The following SIPA1L1 variants were observed in gnomAD, a reference collection of about 807,000 sequenced individuals.
SIPA1L1 encodes the protein signal induced proliferation associated 1 like 1.
SIPA1L1 carries 26 observed loss-of-function variants against 162.7 expected under a neutral mutation model. That is an observed-to-expected ratio of 0.16 (90% confidence interval 0.12 to 0.22). The LOEUF is 0.22. SIPA1L1 is among the 10% of genes least tolerant of loss of function. The pLI is 1.00. For missense variants in SIPA1L1, 1,874 were observed against 2,241.0 expected, an observed-to-expected ratio of 0.84 and a Z score of 3.31; for synonymous variants, 829 against 837.4, an observed-to-expected ratio of 0.99 and a Z score of 0.17.
chr14:71,398,876 A>T (rs1192691334), intron 2 of SIPA1L1, among the ~76,000 whole-genome samples: 1 of 152,250 alleles, frequency 6.6e-6, no homozygotes, highest in South Asian at 2.1e-4. Flanking sequence ...CAAGATCATC[A>T]TGATCTTTGG....
rs910301034 is a variant in SIPA1L1, at chr14:71,671,587, T to G, written c.2724T>G (p.Thr908=). 6.2e-7 allele frequency: 1 copy of G among 1,614,174 alleles called. No homozygotes were observed. The highest frequency in any genetic ancestry group is 1.3e-5 in the African/African-American group (1 of 75,054). Residue 908 remains threonine (T), a synonymous_variant, in exon 11 of 24, where the codon ACT becomes ACG. Coordinates refer to ENST00000381232, the MANE Select transcript of SIPA1L1 (RefSeq NM_001386936.1). ...NCSCRDVIGW[T]STDTSLKIFY... ...CCTGTAGAGATGTGATAGGGTGGAC[T>G]TCAACTGACACCAGCCTCAAAATCT...
intron 4 of SIPA1L1, among the ~76,000 whole-genome samples, chr14:71,578,850 G>A (rs1409754220): frequency 6.6e-6 from 1 of 152,174 alleles, no homozygotes; most frequent in African/African-American, 2.4e-5. Flanking sequence ...CACTTCATAT[G>A]GGTCCCATGG....
At chr14:71,636,978 G>C (rs1286851032) in intron 7 of SIPA1L1, among the ~76,000 whole-genome samples, 1 of 151,272 alleles carries the variant, frequency 6.6e-6, no homozygotes, top group Non-Finnish European at 1.5e-5. Context: ...TTGAACCCGG[G>C]AGGCAGGGGT....
At chr14:71,358,088 T>C in intron 2 of SIPA1L1, among the ~76,000 whole-genome samples, 1 of 152,116 alleles carries the variant, frequency 6.6e-6, no homozygotes, top group East Asian at 1.9e-4. Flanking sequence ...CTTGAACTAC[T>C]GAACTCAAAA....
intron 2 of SIPA1L1, among the ~76,000 whole-genome samples, chr14:71,496,582 G>A (rs150521301): frequency 6.6e-6 from 1 of 152,268 alleles, no homozygotes; most frequent in African/African-American, 2.4e-5. Flanking sequence ...GTTGTTGGAT[G>A]AAGTTTTCTA....
intron 4 of SIPA1L1, among the ~76,000 whole-genome samples, chr14:71,544,133 GTA>G (rs1005384398): frequency 6.6e-6 from 1 of 150,512 alleles, no homozygotes; most frequent in African/African-American, 2.5e-5. Flanking sequence ...GCACGTGTAT[GTA>G]TATACATATA....
chr14:71,387,920 A>G (rs2040464060), intron 2 of SIPA1L1, among the ~76,000 whole-genome samples: 1 of 152,240 alleles, frequency 6.6e-6, no homozygotes, highest in Non-Finnish European at 1.5e-5. Flanking sequence ...TATGCTAAAG[A>G]TGAATCCAAG....
intron 4 of SIPA1L1, among the ~76,000 whole-genome samples, chr14:71,576,202 G>A (rs1257888775): frequency 1.3e-5 from 2 of 152,196 alleles, no homozygotes; most frequent in Non-Finnish European, 2.9e-5. Flanking sequence ...TCAGTAAGTA[G>A]CAGAAAGGGA....
chr14:71,466,810 A>G (rs1035061662), intron 2 of SIPA1L1, among the ~76,000 whole-genome samples: 2 of 152,118 alleles, frequency 1.3e-5, no homozygotes, highest in African/African-American at 4.8e-5. Context: ...TTAATAAACT[A>G]TTTTTTATTG....
intron 2 of SIPA1L1, among the ~76,000 whole-genome samples, chr14:71,467,881 T>G (rs748906356): frequency 1.3e-5 from 2 of 149,120 alleles, no homozygotes; most frequent in Admixed American, 6.7e-5. Flanking sequence ...AAAGAAAAAG[T>G]ATTGGCTTCT....
chr14:71,482,428 ATGGG>A (rs1292082978), intron 2 of SIPA1L1, among the ~76,000 whole-genome samples: 1 of 152,206 alleles, frequency 6.6e-6, no homozygotes, highest in Non-Finnish European at 1.5e-5. Context: ...CAAGGAAAGA[ATGGG>A]AACAGTCCAG....
chr14:71,616,329 G>A (rs562916101), intron 5 of SIPA1L1, among the ~76,000 whole-genome samples: 1 of 152,320 alleles, frequency 6.6e-6, no homozygotes, highest in Admixed American at 6.5e-5. Flanking sequence ...AAAGTCATTG[G>A]TGACCCATGC....
At chr14:71,632,296 T>A (rs1490948021) in intron 7 of SIPA1L1, among the ~76,000 whole-genome samples, 1 of 152,232 alleles carries the variant, frequency 6.6e-6, no homozygotes, top group Non-Finnish European at 1.5e-5. Context: ...ATCCCAGTCT[T>A]GGGCTGAAGA....
chr14:71,629,560 C>T (rs2040369613), intron 7 of SIPA1L1, among the ~76,000 whole-genome samples: 1 of 152,038 alleles, frequency 6.6e-6, no homozygotes, highest in African/African-American at 2.4e-5. Flanking sequence ...TATGTTAAAC[C>T]CAAATAAAAT....
At chr14:71,516,907 A>G (rs1216951636) in intron 3 of SIPA1L1, among the ~76,000 whole-genome samples, 1 of 152,182 alleles carries the variant, frequency 6.6e-6, no homozygotes, top group Admixed American at 6.5e-5. Flanking sequence ...TGGGAGGTGG[A>G]GATTGCAGTG....
At chr14:71,330,881 T>G (rs1237143316) in intron 2 of SIPA1L1, 15 of 564,722 alleles carry the variant, frequency 2.7e-5, no homozygotes, top group Admixed American at 1.3e-4. Flanking sequence ...GCTTTTTTGC[T>G]CTGCTGATTG....
chr14:71,438,704 T>A (rs2044604195), intron 2 of SIPA1L1, among the ~76,000 whole-genome samples: 1 of 126,320 alleles, frequency 7.9e-6, no homozygotes, highest in Non-Finnish European at 1.6e-5. Context: ...CACATCAGGT[T>A]GAAGGGGAAG....
chr14:71,648,055 C>T (rs1393207909), intron 7 of SIPA1L1, among the ~76,000 whole-genome samples: 11 of 151,914 alleles, frequency 7.2e-5, no homozygotes, highest in African/African-American at 2.2e-4. Flanking sequence ...TTTGGGAGGC[C>T]GAGGCAGGTG....
chr14:71,720,399 C>T (rs1239064073), intron 17 of SIPA1L1, among the ~76,000 whole-genome samples: 1 of 151,858 alleles, frequency 6.6e-6, no homozygotes, highest in Non-Finnish European at 1.5e-5. Flanking sequence ...TGGCCAACAT[C>T]GTGAAATTCT....
Sources: gnomAD v4.1 joint callset for allele counts (sites outside exome capture counted in the v4.1 genomes callset) on GRCh38, gnomAD v4.1.1 for gene constraint, MANE v1.5 for transcripts, NCBI Gene and HGNC (gene_info 2026-07-23, HGNC 2026-07-21) for gene names.